The following ODAD2 variants were observed in gnomAD, a reference collection of about 807,000 sequenced individuals.
The protein encoded by ODAD2 is outer dynein arm-docking complex subunit 2.
Under a neutral mutation model 106.8 loss-of-function variants are expected in ODAD2, and 89 were observed. The observed-to-expected ratio is 0.83, with a 90% CI of 0.70 to 0.99. The LOEUF (loss-of-function observed/expected upper bound fraction) is 0.99. Ranked by LOEUF, ODAD2 falls within the 50% of genes least tolerant of loss-of-function variation. The pLI, the probability that ODAD2 is intolerant of heterozygous loss-of-function variation, is 0.00. For missense variants in ODAD2, 1,168 were observed against 1,238.5 expected, an observed-to-expected ratio of 0.94 and a Z score of 0.85; for synonymous variants, 404 against 436.2, an observed-to-expected ratio of 0.93 and a Z score of 0.92.
chr10:27,943,875 T>C (rs1846651196), intron 12 of ODAD2, among the ~76,000 whole-genome samples: 1 of 149,110 alleles, frequency 6.7e-6, no homozygotes, highest in South Asian at 2.1e-4. Context: ...GCTTTTGACG[T>C]TTTAAAGTTT....
chr10:27,836,497 T>A (rs1422135264), intron 19 of ODAD2, among the ~76,000 whole-genome samples: 1 of 152,220 alleles, frequency 6.6e-6, no homozygotes, highest in Non-Finnish European at 1.5e-5. Context: ...TGTAAACATA[T>A]CTATACCATC....
At position 27,971,212 on chromosome 10, in the gene ODAD2, T is replaced by C; in HGVS notation, c.1038A>G (p.Ser346=). Residue 346 remains serine (S), a synonymous_variant, in exon 8 of 20, where the codon TCA becomes TCG. Transcript: ENST00000305242. The part of the protein sequence containing the change: ...AAALRKDISG[S]DKRSLEKNQI... ...GGTTCTTCTCCAGTGACCTTTTGTC[T>C]GAACCAGAAATGTCTTTGCGGAGGG... 6.2e-7 allele frequency: 1 copy of C among 1,614,044 alleles called. No individual in the cohort carries two copies. The highest frequency in any genetic ancestry group is 1.6e-4 in the Middle Eastern group (1 of 6,062).
At chr10:27,881,829 C>T (rs981173901) in intron 17 of ODAD2, among the ~76,000 whole-genome samples, 1 of 152,140 alleles carries the variant, frequency 6.6e-6, no homozygotes, top group Admixed American at 6.6e-5. Context: ...ATTAGTGATT[C>T]TCAGCCCTGG....
chr10:27,904,182 C>A, intron 17 of ODAD2: 2 of 279,448 alleles, frequency 7.2e-6, no homozygotes, highest in Admixed American at 3.3e-5. Flanking sequence ...TTAACAATAG[C>A]TTTCCACGTG....
intron 19 of ODAD2, chr10:27,836,203 T>G (rs183206411): frequency 3.9e-5 from 6 of 152,234 alleles, no homozygotes; most frequent in Non-Finnish European, 8.8e-5. Flanking sequence ...TACATATGCA[T>G]GTATATGTGT....
At position 27,812,317 on chromosome 10, in the gene ODAD2, A is replaced by G. The variant is rs138500496; in HGVS notation, c.*195T>C. 7 of 559,464 alleles carry G rather than the reference A, an allele frequency of 1.3e-5. No homozygotes were observed. The East Asian group carries it at 2.4e-4, about 19-fold the overall frequency. 34.7% of individuals were successfully genotyped at this position (559,464 alleles called of 1,614,324 possible). On this transcript the variant is annotated 3_prime_UTR_variant, in exon 20 of 20. Coordinates refer to ENST00000305242, the MANE Select transcript of ODAD2 (RefSeq NM_018076.5). ...ATCTTATCACATGTCATATCTCGAA[A>G]ACATTAAATAGAAACAAAAGTCTCC...
At chr10:27,920,412 A>T (rs1217399004) in intron 16 of ODAD2, among the ~76,000 whole-genome samples, 1 of 152,168 alleles carries the variant, frequency 6.6e-6, no homozygotes, top group African/African-American at 2.4e-5. Context: ...CCATTCTTTC[A>T]TCTATTAATA....
intron 16 of ODAD2, among the ~76,000 whole-genome samples, chr10:27,919,960 T>A (rs1844655628): frequency 6.6e-6 from 1 of 152,102 alleles, no homozygotes; most frequent in Non-Finnish European, 1.5e-5. Context: ...TAGAACAAAA[T>A]GTCAGATAAA....
At chr10:27,937,662 G>C (rs1249793854) in intron 14 of ODAD2, among the ~76,000 whole-genome samples, 2 of 152,138 alleles carry the variant, frequency 1.3e-5, no homozygotes, top group Non-Finnish European at 2.9e-5. Context: ...CAAGCACACA[G>C]ATGTTTTCTG....
intron 8 of ODAD2, among the ~76,000 whole-genome samples, chr10:27,970,114 A>C (rs1014391537): frequency 7.3e-6 from 1 of 136,630 alleles, no homozygotes; most frequent in African/African-American, 3.1e-5. Context: ...ATAAATAAAT[A>C]AATAAATAAA....
Position 27,908,429 on chromosome 10 carries a change from T to C in ODAD2, c.2496-652A>G, listed in dbSNP as rs138486026. ...TATCATCAGAGCCATCTCTCCACCA[T>C]CTGTCTTCTGTTTATATATCAATCA... On this transcript the variant is annotated intron_variant, in intron 16 of 19. Transcript: ENST00000305242. 1.8e-3 allele frequency among the ~76,000 whole-genome samples: 267 copies of C among 152,322 alleles called. 1 individual carries two copies. Among genetic ancestry groups the C allele is most frequent in the African/African-American group, 6.1e-3 (252 of 41,576 alleles).
At chr10:27,993,974 A>ATATATATATATG (rs369833558) in intron 2 of ODAD2, among the ~76,000 whole-genome samples, 9 of 140,546 alleles carry the variant, frequency 6.4e-5, no homozygotes, top group African/African-American at 2.4e-4. Flanking sequence ...ATATATATAT[A>ATATATATATATG]TGTGTGTGTG....
At chr10:27,993,883 G>C (rs1248172354) in intron 2 of ODAD2, among the ~76,000 whole-genome samples, 5 of 151,418 alleles carry the variant, frequency 3.3e-5, no homozygotes, top group Non-Finnish European at 7.4e-5. Context: ...GACTTTAAAA[G>C]TTCATATCCA....
At position 27,940,783 on chromosome 10, in the gene ODAD2, T is replaced by C. The variant is rs769035182; in HGVS notation, c.1766A>G (p.His589Arg). The C allele has an allele frequency of 2.2e-5, 35 of 1,613,976 alleles. 1 individual carries two copies. The South Asian group carries it at 3.2e-4, about 15-fold the overall frequency. Residue 589 changes from histidine (H) to arginine (R), a missense_variant, in exon 13 of 20, where the codon CAT becomes CGT. Physicochemically the swap from His to Arg is conservative, Grantham distance 29 (BLOSUM62 0). Transcript: ENST00000305242. ...CGATTGGGCAGGTTTTGTGGAATCA[T>C]GTGCACAGTCTAGTAGAGCAACCTA... ...TKLVALLDCA[H>R]DSTKPAQSSL...
At chr10:27,904,610 G>T (rs1204986521) in intron 17 of ODAD2, among the ~76,000 whole-genome samples, 1 of 152,016 alleles carries the variant, frequency 6.6e-6, no homozygotes, top group African/African-American at 2.4e-5. Context: ...TATTCCATTG[G>T]TCTGTCTGCC....
intron 16 of ODAD2, among the ~76,000 whole-genome samples, chr10:27,931,071 C>T (rs1845585662): frequency 1.3e-5 from 2 of 152,032 alleles, no homozygotes; most frequent in South Asian, 4.1e-4. Flanking sequence ...ATGGCAAAGT[C>T]TTCACTTCTT....
intron 10 of ODAD2, among the ~76,000 whole-genome samples, chr10:27,947,586 T>G (rs1847025863): frequency 6.6e-6 from 1 of 152,178 alleles, no homozygotes. Context: ...ATAAAGCTCT[T>G]TTTTTCTCTG....
chr10:27,822,555 C>T (rs1000553836), intron 19 of ODAD2, among the ~76,000 whole-genome samples: 24 of 152,188 alleles, frequency 1.6e-4, no homozygotes, highest in African/African-American at 5.1e-4. Context: ...GGAATGGCTT[C>T]CCAACTATTT....
At chr10:27,993,970 A>ACGTG (rs1554826289) in intron 2 of ODAD2, among the ~76,000 whole-genome samples, 7 of 108,530 alleles carry the variant, frequency 6.4e-5, no homozygotes, top group African/African-American at 2.2e-4. Flanking sequence ...ATATATATAT[A>ACGTG]TATATGTGTG....
Sources: allele counts gnomAD v4.1 joint callset (sites outside exome capture counted in the v4.1 genomes callset), GRCh38; gene constraint gnomAD v4.1.1; transcripts MANE v1.5; gene names NCBI Gene and HGNC (gene_info 2026-07-23, HGNC 2026-07-21).